Variants in FANCD2 observed in about 807,000 individuals in gnomAD.
The protein encoded by FANCD2 is Fanconi anemia group D2 protein.
In FANCD2, 131 loss-of-function variants were observed where a neutral mutation model predicts 192.3. The ratio of observed to expected loss-of-function variants is 0.68; its 90% CI spans 0.59 to 0.79. The LOEUF is 0.79. Among genes scored for constraint, FANCD2 ranks in the 30% least tolerant of loss-of-function variants. The probability of loss-of-function intolerance (pLI) is 0.00; values close to 1 mark genes in which losing one functional copy is unlikely to be tolerated. For synonymous variants in FANCD2, 524 were observed against 612.5 expected (o/e 0.86, Z 2.13); for missense variants, 1,508 against 1,701.6 (o/e 0.89, Z 2.00).
At position 10,098,887 on chromosome 3, in the gene FANCD2, C is replaced by T. The variant is rs974186789; in HGVS notation, c.4281+72C>T. ...TGTTAATTGTTCTAAGTTGGTGGAGCAGAACTTTGCCTACTTATGTTTATT... is the reference window on the plus strand; with the variant it reads ...TGTTAATTGTTCTAAGTTGGTGGAGTAGAACTTTGCCTACTTATGTTTATT... On this transcript the variant is annotated intron_variant, in intron 43 of 43. Transcript: ENST00000675286. 4.3e-6 allele frequency: 7 copies of T among 1,614,092 alleles called. No homozygotes were observed. The highest frequency in any genetic ancestry group is 5.9e-6 in the Non-Finnish European group (7 of 1,180,030).
At chr3:10,070,471 TGCCGG>T (rs1693153616) in intron 26 of FANCD2, among the ~76,000 whole-genome samples, 1 of 14,026 alleles carries the variant, frequency 7.1e-5, no homozygotes, top group East Asian at 2.6e-3. Context: ...GGAGCTCCTC[TGCCGG>T]GCCAGCCTCC....
chr3:10,062,240 T>C (rs762600757), intron 20 of FANCD2, 29 bp downstream of exon 20: 3 of 1,599,030 alleles, frequency 1.9e-6, no homozygotes, highest in East Asian at 2.2e-5. Context: ...TTCTTTCTTT[T>C]TCCTGTCTTT....
At chr3:10,089,534 A>G (rs1443243872) in intron 36 of FANCD2, among the ~76,000 whole-genome samples, 1 of 151,964 alleles carries the variant, frequency 6.6e-6, no homozygotes, top group Non-Finnish European at 1.5e-5. Flanking sequence ...CAGTGGCGTA[A>G]TCTCAGCTCA....
intron 26 of FANCD2, among the ~76,000 whole-genome samples, chr3:10,067,617 G>T (rs528064204): frequency 3.3e-5 from 5 of 152,298 alleles, no homozygotes; most frequent in African/African-American, 1.2e-4. Context: ...GGCCAACATG[G>T]TGAAACCCTG....
Position 10,059,975 on chromosome 3 carries a change from C to G in FANCD2, c.1657-319C>G, listed in dbSNP as rs1216198224. Among the ~76,000 whole-genome samples, 5 of 151,922 alleles carry G rather than the reference C, an allele frequency of 3.3e-5. No individual in the cohort carries two copies. The South Asian group carries it at 6.2e-4, about 19-fold the overall frequency. ...CACCTGAGGTCAGGAGTTCACCAGC[C>G]TAGCCAACATGGTGAAACCCCATCT... On this transcript the variant is annotated intron_variant, in intron 18 of 43. Transcript: ENST00000675286.
intron 5 of FANCD2, 61 bp downstream of exon 5, chr3:10,034,859 C>T: frequency 8.3e-7 from 1 of 1,200,846 alleles, no homozygotes; most frequent in Admixed American, 2.0e-5. Context: ...CTTCATGGGG[C>T]TGGGGAGGGA....
At chr3:10,074,421 G>A in intron 28 of FANCD2, 109 bp from the exon 29 acceptor site, 1 of 995,198 alleles carries the variant, frequency 1.0e-6, no homozygotes, top group South Asian at 1.5e-5. Context: ...TAATGAAAAT[G>A]TAATTTTTTG....
rs572293815 is a variant in FANCD2 at position 10,047,091 on chromosome 3, T to C, written c.1278+368T>C. On this transcript the variant is annotated intron_variant, in intron 15 of 43. Transcript: ENST00000675286. ...GTGGAATTTTATAAGCTAGGAATAG[T>C]GTTTTGCCAGCTGAACGTTCAGGAT... Among the ~76,000 whole-genome samples the C allele has an allele frequency of 2.8e-4, 42 of 152,412 alleles. No individual in the cohort carries two copies. In the South Asian group the frequency reaches 5.6e-3, roughly 20 times the overall value.
At chr3:10,090,471 T>C (rs963702682) in intron 37 of FANCD2, 86 bp downstream of exon 37, 34 of 808,420 alleles carry the variant, frequency 4.2e-5, no homozygotes, top group African/African-American at 1.1e-4. Context: ...TTTTTTTTTT[T>C]CTGAGACAGA....
intron 10 of FANCD2, 68 bp downstream of exon 10, chr3:10,041,778 T>A: frequency 9.7e-7 from 1 of 1,031,924 alleles, no homozygotes; most frequent in Non-Finnish European, 1.5e-6. Flanking sequence ...TGTCAGTCAG[T>A]CATTGCCTTG....
chr3:10,033,185 G>A (rs1038090346), intron 3 of FANCD2, among the ~76,000 whole-genome samples: 1 of 152,128 alleles, frequency 6.6e-6, no homozygotes, highest in Non-Finnish European at 1.5e-5. Flanking sequence ...CTCGAGGCAG[G>A]CGGATTGCCT....
intron 32 of FANCD2, among the ~76,000 whole-genome samples, chr3:10,084,430 C>A (rs1694053510): frequency 6.6e-6 from 1 of 151,854 alleles, no homozygotes; most frequent in South Asian, 2.1e-4. Flanking sequence ...GTTGGGACTG[C>A]AGGCATGTAC....
chr3:10,083,271 A>G (rs543808355), intron 32 of FANCD2, among the ~76,000 whole-genome samples: 9 of 152,198 alleles, frequency 5.9e-5, no homozygotes, highest in Non-Finnish European at 1.3e-4. Flanking sequence ...AAGTTAACAC[A>G]GAAAATAAAC....
chr3:10,040,144 C>G, intron 9 of FANCD2: 1 of 401,810 alleles, frequency 2.5e-6, no homozygotes, highest in East Asian at 4.7e-5. Context: ...ACCCCATTCT[C>G]CTGCCTCAGC....
chr3:10,028,068 A>T (rs1189925830), intron 1 of FANCD2, among the ~76,000 whole-genome samples: 2 of 143,876 alleles, frequency 1.4e-5, no homozygotes, highest in Non-Finnish European at 3.0e-5. Context: ...AAAAAAAAAA[A>T]ATTCAAGGAG....
chr3:10,082,133 T>C lies in FANCD2; in HGVS notation c.3224+669T>C, dbSNP rs535208098. Among the ~76,000 whole-genome samples, 6 of 152,358 alleles carry C rather than the reference T, an allele frequency of 3.9e-5. No individual in the cohort carries two copies. In the South Asian group the frequency reaches 1.2e-3, roughly 32 times the overall value. ...CATCCAAAATGGAATATGTCATCCC[T>C]AGCATGCTCCTTCAGCTTTGCCTGG... On this transcript the variant is annotated intron_variant, in intron 32 of 43. Coordinates refer to ENST00000675286, the MANE Select transcript of FANCD2 (RefSeq NM_001018115.3).
chr3:10,069,145 A>AT (rs1472052002), intron 26 of FANCD2, among the ~76,000 whole-genome samples: 2 of 152,186 alleles, frequency 1.3e-5, no homozygotes, highest in Non-Finnish European at 2.9e-5. Context: ...AAATGGACAA[A>AT]TGGGATCACA....
At chr3:10,099,865 T>C (rs1695200802) in intron 43 of FANCD2, among the ~76,000 whole-genome samples, 1 of 152,120 alleles carries the variant, frequency 6.6e-6, no homozygotes, top group South Asian at 2.1e-4. Context: ...CCTCTGTCTG[T>C]AATGCAATTT....
chr3:10,040,035 T>TTC, intron 9 of FANCD2, 190 bp downstream of exon 9: 1 of 230,074 alleles, frequency 4.3e-6, no homozygotes. Context: ...CATACTTTCT[T>TTC]TTTTTTTTTT....
Sources: allele counts gnomAD v4.1 joint callset (sites outside exome capture counted in the v4.1 genomes callset), GRCh38; gene constraint gnomAD v4.1.1; transcripts MANE v1.5; gene names NCBI Gene and HGNC (gene_info 2026-07-23, HGNC 2026-07-21).